CSMD1: variants seen among roughly 807,000 people sequenced by gnomAD.
The protein encoded by CSMD1 is CUB and Sushi multiple domains 1, also known as CUB and sushi domain-containing protein 1.
In CSMD1, 213 loss-of-function variants were observed where a neutral mutation model predicts 417.5. The observed-to-expected ratio is 0.51, with a 90% CI of 0.46 to 0.57. The LOEUF (loss-of-function observed/expected upper bound fraction) is 0.57. Ranked by LOEUF, CSMD1 falls within the 20% of genes least tolerant of loss-of-function variation. CSMD1 has a pLI of 0.00. For missense variants in CSMD1, 6,923 were observed against 4,529.7 expected, an observed-to-expected ratio of 1.53 and a Z score of -15.17; for synonymous variants, 2,862 against 1,736.8, an observed-to-expected ratio of 1.65 and a Z score of -16.11.
rs143036802 is a variant in CSMD1 at position 4,894,675 on chromosome 8, T to C, written c.85+99657A>G. The stretch of plus-strand genomic sequence containing the variant: ...GGATTTTAATGTGTTTCATTCTTGA[T>C]TTAAGTCAAGTTATCTGAAAGACTG... On this transcript the variant is annotated intron_variant, in intron 1 of 69. Transcript: ENST00000635120. 1.3e-3 allele frequency among the ~76,000 whole-genome samples: 199 copies of C among 150,526 alleles called. 5 individuals are homozygous for C. Among genetic ancestry groups the C allele is most frequent in the African/African-American group, 4.9e-3 (198 of 40,754 alleles).
At chr8:4,711,668 AT>A (rs753953158) in intron 1 of CSMD1, among the ~76,000 whole-genome samples, 343 of 26,166 alleles carry the variant, frequency 0.013, 1 homozygote, top group African/African-American at 0.12. Context: ...CTGTAGGTAA[AT>A]TTAAAAAAAA....
At chr8:4,295,878 G>A (rs1344483925) in intron 3 of CSMD1, among the ~76,000 whole-genome samples, 3 of 149,188 alleles carry the variant, frequency 2.0e-5, no homozygotes, top group Admixed American at 6.8e-5. Flanking sequence ...CAAGTACAAT[G>A]CTCTTGTCTT....
At chr8:3,552,064 T>G (rs12056920) in intron 10 of CSMD1, among the ~76,000 whole-genome samples, 14,223 of 152,282 alleles carry the variant, frequency 0.093, 703 homozygotes, top group Middle Eastern at 0.15. Context: ...ATGTTCTGTA[T>G]TGTGAAAACA....
intron 6 of CSMD1, among the ~76,000 whole-genome samples, chr8:3,712,875 A>T (rs907495277): frequency 6.6e-6 from 1 of 152,186 alleles, no homozygotes; most frequent in African/African-American, 2.4e-5. Flanking sequence ...ATGCTGGTCA[A>T]AAGATGGACA....
At chr8:4,239,979 A>T (rs1419712013) in intron 3 of CSMD1, among the ~76,000 whole-genome samples, 1 of 152,204 alleles carries the variant, frequency 6.6e-6, no homozygotes, top group Admixed American at 6.5e-5. Context: ...TTTACCAGTG[A>T]TTTCTTAAAA....
intron 3 of CSMD1, among the ~76,000 whole-genome samples, chr8:4,191,838 C>G (rs776404706): frequency 4.0e-5 from 6 of 151,282 alleles, no homozygotes; most frequent in Admixed American, 6.6e-5. Context: ...TATGAGTCAG[C>G]AAAATCAACA....
rs12679188 is a variant in CSMD1 at position 4,381,713 on chromosome 8, C to T, written c.415+38240G>A. Among the ~76,000 whole-genome samples, 70 of 152,244 alleles carry T rather than the reference C, an allele frequency of 4.6e-4. 1 individual carries two copies. In the East Asian group the frequency reaches 0.013, roughly 27 times the overall value. On this transcript the variant is annotated intron_variant, in intron 3 of 69. Coordinates refer to ENST00000635120, the MANE Select transcript of CSMD1 (RefSeq NM_033225.6). Reference sequence around the variant, plus strand: ...GATGCGTCAACATCTCCAAAGTTCACGCTGCCGTGGATGGACTTTAGGCTT... The same window carrying T: ...GATGCGTCAACATCTCCAAAGTTCATGCTGCCGTGGATGGACTTTAGGCTT...
At chr8:4,360,815 A>G (rs1473228181) in intron 3 of CSMD1, among the ~76,000 whole-genome samples, 1 of 151,660 alleles carries the variant, frequency 6.6e-6, no homozygotes, top group Non-Finnish European at 1.5e-5. Context: ...GTAATCTCAC[A>G]GTTCCTGACA....
intron 8 of CSMD1, among the ~76,000 whole-genome samples, chr8:3,595,613 G>C (rs1053318622): frequency 1.3e-5 from 2 of 152,162 alleles, no homozygotes. Flanking sequence ...CAGGGTATAA[G>C]CAACAGTAAG....
intron 3 of CSMD1, among the ~76,000 whole-genome samples, chr8:4,303,590 C>G (rs748411694): frequency 6.6e-6 from 1 of 151,942 alleles, no homozygotes; most frequent in South Asian, 2.1e-4. Context: ...CTGTGTGGCA[C>G]CTTCTGGACA....
At chr8:3,806,519 G>A (rs1329043974) in intron 5 of CSMD1, among the ~76,000 whole-genome samples, 1 of 152,102 alleles carries the variant, frequency 6.6e-6, no homozygotes, top group Admixed American at 6.6e-5. Flanking sequence ...GGTGCTCTGT[G>A]CTTTGAGGCA....
intron 3 of CSMD1, among the ~76,000 whole-genome samples, chr8:4,051,879 T>TCTTCCTTC (rs71205410): frequency 3.7e-4 from 23 of 61,944 alleles, no homozygotes; most frequent in African/African-American, 9.0e-4. Flanking sequence ...CTTCCTCCTT[T>TCTTCCTTC]CTTCCTTCCT....
At chr8:3,144,342 G>A (rs1446366206) in intron 40 of CSMD1, among the ~76,000 whole-genome samples, 4 of 152,012 alleles carry the variant, frequency 2.6e-5, no homozygotes, top group Admixed American at 2.6e-4. Flanking sequence ...TCTTCTTGGA[G>A]AAAATCAGTT....
chr8:3,702,559 G>C (rs151233348), intron 7 of CSMD1, among the ~76,000 whole-genome samples: 1 of 152,180 alleles, frequency 6.6e-6, no homozygotes, highest in Non-Finnish European at 1.5e-5. Context: ...GGCCAGGTGC[G>C]GTGGCTCATG....
At chr8:3,540,202 T>C (rs140891875) in intron 10 of CSMD1, among the ~76,000 whole-genome samples, 5 of 152,204 alleles carry the variant, frequency 3.3e-5, no homozygotes, top group Non-Finnish European at 7.3e-5. Flanking sequence ...CTTATTCCAA[T>C]GTTTTAGGCT....
intron 3 of CSMD1, among the ~76,000 whole-genome samples, chr8:4,369,730 C>G (rs141810669): frequency 2.6e-5 from 4 of 152,130 alleles, no homozygotes; most frequent in East Asian, 3.9e-4. Context: ...GTTTAAAGAT[C>G]GTTTTCTCTA....
At chr8:4,529,960 G>A (rs964969395) in intron 2 of CSMD1, among the ~76,000 whole-genome samples, 1 of 151,620 alleles carries the variant, frequency 6.6e-6, no homozygotes, top group African/African-American at 2.4e-5. Flanking sequence ...TGTCACCCAG[G>A]CTGGAGTGCA....
At chr8:3,493,797 A>T (rs1268130963) in intron 10 of CSMD1, 71 bp from the exon 11 acceptor site, 1 of 1,282,830 alleles carries the variant, frequency 7.8e-7, no homozygotes. Flanking sequence ...GGTATTGCAA[A>T]TATCTAGTTA....
intron 2 of CSMD1, among the ~76,000 whole-genome samples, chr8:4,456,473 A>T (rs984588596): frequency 6.6e-6 from 1 of 152,222 alleles, no homozygotes; most frequent in Non-Finnish European, 1.5e-5. Flanking sequence ...TCACCAACAG[A>T]CAGGGAATAG....
Sources: gnomAD v4.1 joint callset for allele counts (sites outside exome capture counted in the v4.1 genomes callset) on GRCh38, gnomAD v4.1.1 for gene constraint, MANE v1.5 for transcripts, NCBI Gene and HGNC (gene_info 2026-07-23, HGNC 2026-07-21) for gene names.